Variants in RNF10 observed in about 807,000 individuals in gnomAD.
The protein encoded by RNF10 is ring finger protein 10, also known as E3 ubiquitin-protein ligase RNF10.
RNF10 carries 38 observed loss-of-function variants against 91.4 expected under a neutral mutation model. The ratio of observed to expected loss-of-function variants is 0.42; its 90% CI spans 0.32 to 0.54. RNF10 has a LOEUF of 0.54. RNF10 is among the 20% of genes least tolerant of loss of function. RNF10 has a pLI of 0.16. For synonymous variants in RNF10, 364 were observed against 366.3 expected, an observed-to-expected ratio of 0.99 and a Z score of 0.07; for missense variants, 945 against 1,012.0, an observed-to-expected ratio of 0.93 and a Z score of 0.90.
intron 6 of RNF10, among the ~76,000 whole-genome samples, chr12:120,560,222 G>A (rs187830745): frequency 1.3e-5 from 2 of 150,182 alleles, no homozygotes; most frequent in East Asian, 4.0e-4. Flanking sequence ...CATGATCTTG[G>A]CTCACTGCGA....
At chr12:120,547,702 G>A (rs140664614) in intron 2 of RNF10, among the ~76,000 whole-genome samples, 1 of 152,250 alleles carries the variant, frequency 6.6e-6, no homozygotes, top group Non-Finnish European at 1.5e-5. Context: ...GTAGGCTACC[G>A]TAAGTGGAGG....
At chr12:120,552,393 C>A (rs1593072098) in intron 2 of RNF10, 106 bp from the exon 3 acceptor site, 1 of 893,864 alleles carries the variant, frequency 1.1e-6, no homozygotes, top group Non-Finnish European at 1.7e-6. Flanking sequence ...GAGTAAGACT[C>A]CGTCTCAAAA....
At chr12:120,543,196 T>TA (rs1476069496) in intron 1 of RNF10, among the ~76,000 whole-genome samples, 4 of 152,102 alleles carry the variant, frequency 2.6e-5, no homozygotes, top group African/African-American at 9.7e-5. Flanking sequence ...TTTCTAAGTT[T>TA]AAAAAAAATT....
intron 2 of RNF10, among the ~76,000 whole-genome samples, chr12:120,548,613 G>A (rs950410274): frequency 3.3e-5 from 5 of 151,910 alleles, no homozygotes; most frequent in African/African-American, 1.2e-4. Context: ...GCAGAGATGT[G>A]AGGCGGTGCT....
chr12:120,569,049 C>CA (rs1280723142), intron 13 of RNF10, among the ~76,000 whole-genome samples: 3 of 152,196 alleles, frequency 2.0e-5, no homozygotes, highest in African/African-American at 7.2e-5. Context: ...CAGCTTACTG[C>CA]AACCTCTGCC....
chr12:120,562,267 C>CTTTTTTTTTTTTTTT (rs1174061958), intron 7 of RNF10, among the ~76,000 whole-genome samples: 1 of 102,182 alleles, frequency 9.8e-6, no homozygotes, highest in Non-Finnish European at 2.0e-5. Context: ...CTTTTTCTTT[C>CTTTTTTTTTTTTTTT]TTTCTTTTTT....
At chr12:120,555,289 C>T (rs561735554) in intron 4 of RNF10, among the ~76,000 whole-genome samples, 46 of 151,816 alleles carry the variant, frequency 3.0e-4, no homozygotes, top group African/African-American at 1.1e-3. Context: ...TCAAGCAATT[C>T]TCATGCCTCA....
At position 120,557,391 on chromosome 12, in the gene RNF10, A is replaced by G. The variant is rs1451759578; in HGVS notation, c.755A>G (p.Tyr252Cys). The change falls in exon 5 of 17, where the codon TAT becomes TGT. Residue 252 changes from tyrosine to cysteine, a missense_variant. Transcript: ENST00000325954. ...TTCTGCTGGGCATGCATCCTGCACT[A>G]TCTTTCACTGAGTGAGAAGACGTGG... ...HIFCWACILH[Y>C]LSLSEKTWSK... 5.0e-6 allele frequency: 8 copies of G among 1,614,206 alleles called. No individual in the cohort carries two copies. Among genetic ancestry groups the G allele is most frequent in the South Asian group, 1.1e-5 (1 of 91,090 alleles).
At chr12:120,572,089 G>T in intron 14 of RNF10, among the ~76,000 whole-genome samples, 1 of 144,804 alleles carries the variant, frequency 6.9e-6, no homozygotes. Context: ...TCTTCTCCAA[G>T]ACGGAGTCTC....
intron 1 of RNF10, among the ~76,000 whole-genome samples, chr12:120,536,170 C>T (rs982593066): frequency 6.6e-6 from 1 of 151,888 alleles, no homozygotes; most frequent in African/African-American, 2.4e-5. Context: ...GCCTGTAATC[C>T]GAACACTTTG....
chr12:120,563,682 T>A, intron 9 of RNF10, 59 bp downstream of exon 9: 1 of 1,567,438 alleles, frequency 6.4e-7, no homozygotes, highest in Non-Finnish European at 8.7e-7. Flanking sequence ...GGTGACCCGG[T>A]GCTCTAAGCA....
Position 120,546,469 on chromosome 12 carries a change from T to C in RNF10, c.222T>C (p.Asn74=). 6.2e-7 allele frequency: 1 copy of C among 1,614,136 alleles called. No individual in the cohort carries two copies. Among genetic ancestry groups the C allele is most frequent in the Non-Finnish European group, 8.5e-7 (1 of 1,180,008 alleles). Residue 74 remains asparagine, a synonymous_variant, in exon 2 of 17, where the codon AAT becomes AAC. Transcript: ENST00000325954. ...AACGTGAACTTTCCTACCCCAAAAA[T>C]GAAAGTTTTAACAACCAGTCCCGTC... ...NRKRELSYPK[N]ESFNNQSRRS...
intron 2 of RNF10, among the ~76,000 whole-genome samples, chr12:120,551,740 CCT>C (rs1437826595): frequency 6.6e-6 from 1 of 152,068 alleles, no homozygotes; most frequent in East Asian, 1.9e-4. Context: ...CTCAAGTGCC[CCT>C]CTTCAGCCTC....
chr12:120,557,976 G>A (rs1360902866), intron 6 of RNF10, among the ~76,000 whole-genome samples: 1 of 152,156 alleles, frequency 6.6e-6, no homozygotes, highest in East Asian at 1.9e-4. Flanking sequence ...GGTGCCTGTC[G>A]TCAAGAAACT....
rs1210596177 is a variant in RNF10 at position 120,576,795 on chromosome 12, T to C, written c.*129T>C. ...CAGATTAGCTCTGGGGGGAGGGGGT[T>C]TCCACAATGTGAGGGGGAACCAAGA... On this transcript the variant is annotated 3_prime_UTR_variant, in exon 17 of 17. Transcript: ENST00000325954. The C allele has an allele frequency of 1.6e-6, 2 of 1,282,702 alleles. No individual in the cohort carries two copies. Among genetic ancestry groups the C allele is most frequent in the East Asian group, 5.1e-5 (2 of 39,510 alleles). The allele number at this position is 1,282,702 out of a possible 1,614,324, so 79.5% of individuals were successfully genotyped here.
In RNF10 at chr12:120,576,799, A is replaced by G. The variant is rs1877457074; in HGVS notation, c.*133A>G. The G allele has an allele frequency of 7.9e-7, 1 of 1,258,842 alleles. No individual in the cohort carries two copies. The highest frequency in any genetic ancestry group is 1.5e-5 in the African/African-American group (1 of 65,966). The allele number at this position is 1,258,842 out of a possible 1,614,324, so 78.0% of individuals were successfully genotyped here. A position where few individuals can be genotyped will look rare whatever the true frequency, so the allele number is the denominator to read the frequency against. On this transcript the variant is annotated 3_prime_UTR_variant, in exon 17 of 17. Coordinates refer to ENST00000325954, the MANE Select transcript of RNF10 (RefSeq NM_014868.5). ...TTAGCTCTGGGGGGAGGGGGTTTCC[A>G]CAATGTGAGGGGGAACCAAGAAAAT...
At chr12:120,555,101 T>C (rs1873770329) in intron 4 of RNF10, among the ~76,000 whole-genome samples, 1 of 152,238 alleles carries the variant, frequency 6.6e-6, no homozygotes, top group African/African-American at 2.4e-5. Flanking sequence ...GGGCCATTGC[T>C]TCATTGGCAG....
rs1372823814 is a variant in RNF10, at chr12:120,577,009, C to T, written c.*343C>T. Reference sequence around the variant, plus strand: ...TTTGAGATGCATTAGAGCAGTCCAACCCAGAATGGCACACACTGCTCTGCT... The same window carrying T: ...TTTGAGATGCATTAGAGCAGTCCAATCCAGAATGGCACACACTGCTCTGCT... On this transcript the variant is annotated 3_prime_UTR_variant, in exon 17 of 17. Transcript: ENST00000325954. 1 of 368,748 alleles carries T rather than the reference C, an allele frequency of 2.7e-6. No homozygotes were observed. Among genetic ancestry groups the T allele is most frequent in the African/African-American group, 2.1e-5 (1 of 46,812 alleles). 22.8% of individuals were successfully genotyped at this position (368,748 alleles called of 1,614,324 possible). A position where few individuals can be genotyped will look rare whatever the true frequency, so the allele number is the denominator to read the frequency against.
At chr12:120,555,172 G>T (rs1026056904) in intron 4 of RNF10, among the ~76,000 whole-genome samples, 2 of 152,172 alleles carry the variant, frequency 1.3e-5, no homozygotes, top group African/African-American at 2.4e-5. Context: ...GCACATGAAT[G>T]AGCCACACAG....
Sources: allele counts gnomAD v4.1 joint callset (sites outside exome capture counted in the v4.1 genomes callset), GRCh38; gene constraint gnomAD v4.1.1; transcripts MANE v1.5; gene names NCBI Gene and HGNC (gene_info 2026-07-23, HGNC 2026-07-21).